Variants in TRIO observed in about 807,000 individuals in gnomAD.
TRIO encodes triple functional domain protein.
TRIO carries 58 observed loss-of-function variants against 351.9 expected under a neutral mutation model. The observed-to-expected ratio is 0.16, with a 90% CI of 0.13 to 0.21. TRIO has a LOEUF of 0.21. Among genes scored for constraint, TRIO ranks in the 10% least tolerant of loss-of-function variants. The pLI is 1.00. For synonymous variants in TRIO, 1,758 were observed against 1,595.7 expected, an observed-to-expected ratio of 1.10 and a Z score of -2.42; for missense variants, 3,201 against 4,027.8, an observed-to-expected ratio of 0.79 and a Z score of 5.56.
In TRIO at chr5:14,286,487, G is replaced by GT. The variant is rs1248432062; in HGVS notation, c.348-383dup. The stretch of plus-strand genomic sequence containing the variant: ...TTTTGTTGCAGGCTGTCAGGGTTTT[G>GT]TACTCACCCGATGCTCCCTGGAGAC... On this transcript the variant is annotated intron_variant, in intron 3 of 56. Transcript: ENST00000344204. The surrounding 1 kb of genome is among the most constrained non-coding windows in gnomAD (Gnocchi z 4.4). Among the ~76,000 whole-genome samples, 1 of 152,120 alleles carries GT rather than the reference G, an allele frequency of 6.6e-6. No individual in the cohort carries two copies. The highest frequency in any genetic ancestry group is 2.4e-5 in the African/African-American group (1 of 41,406).
At chr5:14,324,525 G>T (rs989905583) in intron 9 of TRIO, among the ~76,000 whole-genome samples, 2 of 152,158 alleles carry the variant, frequency 1.3e-5, no homozygotes, top group African/African-American at 4.8e-5. Context: ...TATGTCAGAT[G>T]TATTATGTAG....
At chr5:14,242,601 G>A (rs1794193888) in intron 1 of TRIO, among the ~76,000 whole-genome samples, 1 of 152,146 alleles carries the variant, frequency 6.6e-6, no homozygotes, top group Admixed American at 6.5e-5. Flanking sequence ...TTGAGACAAG[G>A]TCTCACTGTG....
chr5:14,489,117 A>T (rs775428451), intron 48 of TRIO: 1 of 737,452 alleles, frequency 1.4e-6, no homozygotes, highest in South Asian at 1.4e-5. Context: ...AACGCTTTAT[A>T]AATTTTTAAA....
chr5:14,234,294 G>A (rs73748696), intron 1 of TRIO, among the ~76,000 whole-genome samples: 6,242 of 152,300 alleles, frequency 0.041, 433 homozygotes, highest in African/African-American at 0.14. Context: ...GCTGGGCAGT[G>A]GATAGGGGTG....
At chr5:14,440,809 G>C (rs981405442) in intron 34 of TRIO, 1 of 152,176 alleles carries the variant, frequency 6.6e-6, no homozygotes, top group South Asian at 2.1e-4. Flanking sequence ...CATTCAGAAC[G>C]GCCTGCGTGG....
chr5:14,264,017 T>C (rs1259846756), intron 1 of TRIO, among the ~76,000 whole-genome samples: 1 of 152,238 alleles, frequency 6.6e-6, no homozygotes, highest in Non-Finnish European at 1.5e-5. Flanking sequence ...TAGAGTCCCT[T>C]TATAATACTA....
intron 34 of TRIO, among the ~76,000 whole-genome samples, chr5:14,457,093 G>A (rs1355621488): frequency 6.6e-6 from 1 of 152,048 alleles, no homozygotes; most frequent in African/African-American, 2.4e-5. Context: ...TAAAGAGAAG[G>A]GGTCATTATT....
At chr5:14,196,908 C>T (rs1790809926) in intron 1 of TRIO, among the ~76,000 whole-genome samples, 1 of 152,168 alleles carries the variant, frequency 6.6e-6, no homozygotes, top group South Asian at 2.1e-4. Context: ...TATCAAAGGC[C>T]ATTTGGCCAT....
At position 14,344,803 on chromosome 5, in the gene TRIO, G is replaced by A. The variant is rs530927786; in HGVS notation, c.2046+8076G>A. ...CCTATTCTTAACATCAAAACCAAAA[G>A]CCTTTCGTGGGATATACACAACTCT... On this transcript the variant is annotated intron_variant, in intron 11 of 56. Transcript: ENST00000344204. 3.3e-5 allele frequency among the ~76,000 whole-genome samples: 5 copies of A among 152,198 alleles called. No individual in the cohort carries two copies. In the South Asian group the frequency reaches 1.0e-3, roughly 32 times the overall value.
At chr5:14,484,571 TGGCCA>T (rs1755776286) in intron 46 of TRIO, among the ~76,000 whole-genome samples, 1 of 152,356 alleles carries the variant, frequency 6.6e-6, no homozygotes, top group Non-Finnish European at 1.5e-5. Flanking sequence ...ACTTTGCACT[TGGCCA>T]GTGGGGATCA....
chr5:14,316,707 G>A lies in TRIO; in HGVS notation c.1695G>A (p.Arg565=), dbSNP rs1399723350. ...WQHRKVRLHQ[R]LQLCVFQQDV... ...ACCGCAAGGTCCGGCTGCATCAGAG[G>A]CTGCAGCTGTGTGTTTTCCAGCAGG... Residue 565 remains arginine (R), a synonymous_variant, in exon 9 of 57, where the codon AGG becomes AGA. Coordinates refer to ENST00000344204, the MANE Select transcript of TRIO (RefSeq NM_007118.4). 6.2e-7 allele frequency: 1 copy of A among 1,614,140 alleles called. No individual in the cohort carries two copies. Among genetic ancestry groups the A allele is most frequent in the Non-Finnish European group, 8.5e-7 (1 of 1,180,004 alleles).
intron 1 of TRIO, among the ~76,000 whole-genome samples, chr5:14,190,300 CTT>C (rs1364926598): frequency 6.6e-6 from 1 of 151,938 alleles, no homozygotes; most frequent in Non-Finnish European, 1.5e-5. Flanking sequence ...AGTCAGGAGT[CTT>C]TGTGCAAGGA....
Position 14,389,340 on chromosome 5 carries a change from G to A in TRIO, c.4000G>A (p.Val1334Ile), listed in dbSNP as rs1746843565. The A allele has an allele frequency of 1.2e-6, 2 of 1,612,802 alleles. No homozygotes were observed. Among genetic ancestry groups the A allele is most frequent in the South Asian group, 1.1e-5 (1 of 90,918 alleles). The change falls in exon 25 of 57, where the codon GTA (valine) becomes ATA (isoleucine). Residue 1334 changes from valine to isoleucine, a missense_variant. Coordinates refer to ENST00000344204, the MANE Select transcript of TRIO (RefSeq NM_007118.4). ...CGTGGAAGAGATTCCACCTGGCATT[G>A]TAAACAAAGAACTCATCATCTTCGG... is the stretch of plus-strand genomic sequence containing the variant. ...SGVEEIPPGI[V>I]NKELIIFGNM...
chr5:14,199,777 C>T (rs1386203145), intron 1 of TRIO, among the ~76,000 whole-genome samples: 2 of 152,198 alleles, frequency 1.3e-5, no homozygotes, highest in South Asian at 4.1e-4. Context: ...TTCCAGGTGG[C>T]ATCTTGAGAT....
intron 2 of TRIO, among the ~76,000 whole-genome samples, chr5:14,275,917 T>A (rs1320291233): frequency 6.8e-6 from 1 of 147,982 alleles, no homozygotes; most frequent in Non-Finnish European, 1.5e-5. Flanking sequence ...TATGTCTATA[T>A]GTATGTTTAT....
intron 49 of TRIO, among the ~76,000 whole-genome samples, chr5:14,495,097 T>C (rs1300665683): frequency 6.6e-6 from 1 of 152,178 alleles, no homozygotes; most frequent in Non-Finnish European, 1.5e-5. Flanking sequence ...TTGGAAGAAG[T>C]TGATTTCAAC....
chr5:14,465,843 T>C, intron 37 of TRIO: 1 of 598,884 alleles, frequency 1.7e-6, no homozygotes. Context: ...TTCCCACATT[T>C]GCAGTGTATT....
chr5:14,278,612 T>C (rs918788293), intron 2 of TRIO, among the ~76,000 whole-genome samples: 4 of 152,200 alleles, frequency 2.6e-5, no homozygotes, highest in Admixed American at 2.6e-4. Context: ...TCAAGGAGAT[T>C]GACTCTTTTG....
At chr5:14,209,609 T>C (rs560713382) in intron 1 of TRIO, among the ~76,000 whole-genome samples, 1 of 152,328 alleles carries the variant, frequency 6.6e-6, no homozygotes, top group South Asian at 2.1e-4. Context: ...CTGTATGGCC[T>C]TGGGGGTGCT....
Sources: allele counts gnomAD v4.1 joint callset (sites outside exome capture counted in the v4.1 genomes callset), GRCh38; gene constraint gnomAD v4.1.1; non-coding constraint Gnocchi (gnomAD v3.1); transcripts MANE v1.5; gene names NCBI Gene and HGNC (gene_info 2026-07-23, HGNC 2026-07-21).